Variants in THSD4 observed in about 807,000 individuals in gnomAD.
The protein encoded by THSD4 is thrombospondin type-1 domain-containing protein 4.
THSD4 carries 69 observed loss-of-function variants against 119.0 expected under a neutral mutation model. That is an observed-to-expected ratio of 0.58 (90% CI 0.48 to 0.71). The LOEUF (loss-of-function observed/expected upper bound fraction) is 0.71, where lower values mean the gene tolerates loss of function less well. Among genes scored for constraint, THSD4 ranks in the 30% least tolerant of loss-of-function variants. The pLI, the probability that THSD4 is intolerant of heterozygous loss-of-function variation, is 0.00. For missense variants in THSD4, 1,393 were observed against 1,391.1 expected, an observed-to-expected ratio of 1.00 and a Z score of -0.02; for synonymous variants, 524 against 540.4, an observed-to-expected ratio of 0.97 and a Z score of 0.42.
chr15:71,724,287 A>ATATATATATATTT, intron 8 of THSD4, among the ~76,000 whole-genome samples: 32 of 37,284 alleles, frequency 8.6e-4, no homozygotes, highest in East Asian at 7.0e-3. Context: ...ATATATATAT[A>ATATATATATATTT]TTTTTTTTTT....
At chr15:71,219,824 C>A (rs2043960916) in intron 4 of THSD4, among the ~76,000 whole-genome samples, 1 of 152,166 alleles carries the variant, frequency 6.6e-6, no homozygotes, top group South Asian at 2.1e-4. Flanking sequence ...TGAGAAGCAA[C>A]AGCACTAGAA....
Position 71,563,347 on chromosome 15 carries a change from G to C in THSD4, c.1153-97183G>C, listed in dbSNP as rs143909559. Among the ~76,000 whole-genome samples, 7 of 152,214 alleles carry C rather than the reference G, an allele frequency of 4.6e-5. No homozygotes were observed. The East Asian group carries it at 1.2e-3, about 25-fold the overall frequency. ...TAAAGACTCTGTTAGTACCCTGAAG[G>C]CCGCTTACTTGGAACCGTATCTTCT... On this transcript the variant is annotated intron_variant, in intron 7 of 17. Coordinates refer to ENST00000261862, the MANE Select transcript of THSD4 (RefSeq NM_024817.3).
intron 7 of THSD4, among the ~76,000 whole-genome samples, chr15:71,592,970 C>T (rs2049835796): frequency 6.6e-6 from 1 of 152,172 alleles, no homozygotes; most frequent in African/African-American, 2.4e-5. Context: ...GATTCATTAA[C>T]TTTTCCAAGG....
chr15:71,559,268 C>T (rs2049073503), intron 7 of THSD4, among the ~76,000 whole-genome samples: 1 of 152,264 alleles, frequency 6.6e-6, no homozygotes, highest in South Asian at 2.1e-4. Context: ...GCCACTCTAG[C>T]TTTTGCTCAC....
chr15:71,256,918 G>C (rs1196342850), intron 6 of THSD4, among the ~76,000 whole-genome samples: 1 of 152,172 alleles, frequency 6.6e-6, no homozygotes. Flanking sequence ...ACCATCTTCG[G>C]CATGAGTCAG....
At chr15:71,463,612 C>T (rs1484154889) in intron 7 of THSD4, among the ~76,000 whole-genome samples, 2 of 152,204 alleles carry the variant, frequency 1.3e-5, no homozygotes, top group African/African-American at 4.8e-5. Context: ...GTTTTGTCCT[C>T]TGCTCAATTT....
chr15:71,674,565 T>A (rs2051600493), intron 8 of THSD4, among the ~76,000 whole-genome samples: 1 of 152,184 alleles, frequency 6.6e-6, no homozygotes, highest in South Asian at 2.1e-4. Flanking sequence ...CCCACCTGCA[T>A]GTTTAATTGG....
chr15:71,365,131 T>TTTTGTGTGTGTGTGTG (rs147188266), intron 6 of THSD4, among the ~76,000 whole-genome samples: 210 of 135,910 alleles, frequency 1.5e-3, no homozygotes, highest in Non-Finnish European at 2.6e-3. Context: ...GCCCCCCCCA[T>TTTTGTGTGTGTGTGTG]TGTGTGTGTG....
chr15:71,199,272 A>T (rs183035036), intron 3 of THSD4, among the ~76,000 whole-genome samples: 2 of 152,116 alleles, frequency 1.3e-5, no homozygotes, highest in Admixed American at 6.5e-5. Context: ...CCTCCTTTCA[A>T]TTGCGATGGC....
chr15:71,776,524 A>G (rs2053915434), intron 17 of THSD4, among the ~76,000 whole-genome samples: 2 of 152,230 alleles, frequency 1.3e-5, no homozygotes, highest in African/African-American at 4.8e-5. Context: ...ACTAAAACAT[A>G]TGGCAAAAAG....
intron 3 of THSD4, among the ~76,000 whole-genome samples, chr15:71,207,698 G>A (rs939299942): frequency 5.3e-5 from 8 of 152,150 alleles, no homozygotes; most frequent in Non-Finnish European, 7.3e-5. Flanking sequence ...TCATAGGAGC[G>A]TGAACCCTAT....
chr15:71,355,661 C>T (rs899785444), intron 6 of THSD4, among the ~76,000 whole-genome samples: 2 of 152,080 alleles, frequency 1.3e-5, no homozygotes, highest in African/African-American at 4.8e-5. Context: ...GGCCCCTGCT[C>T]AGCGGAGAAC....
At chr15:71,693,666 A>G (rs1156917450) in intron 8 of THSD4, among the ~76,000 whole-genome samples, 1 of 152,068 alleles carries the variant, frequency 6.6e-6, no homozygotes, top group Non-Finnish European at 1.5e-5. Flanking sequence ...CATAATTCCC[A>G]TGGGTTGTAG....
At chr15:71,694,930 T>C (rs918624557) in intron 8 of THSD4, among the ~76,000 whole-genome samples, 28 of 152,142 alleles carry the variant, frequency 1.8e-4, no homozygotes, top group African/African-American at 6.8e-4. Flanking sequence ...CCACAGGAGA[T>C]GGAGAGGTGT....
In THSD4 at chr15:71,369,124, T is replaced by A. The variant is rs564322503; in HGVS notation, c.1016-42563T>A. The stretch of plus-strand genomic sequence containing the variant: ...TAAGAATGCTTGTGATTTTTGCACA[T>A]TGATTTTGTATCCTAAGACTTTGCT... On this transcript the variant is annotated intron_variant, in intron 6 of 17. Transcript: ENST00000261862. 3.2e-4 allele frequency among the ~76,000 whole-genome samples: 48 copies of A among 152,350 alleles called. No individual in the cohort carries two copies. In the South Asian group the frequency reaches 5.8e-3, roughly 18 times the overall value.
intron 4 of THSD4, among the ~76,000 whole-genome samples, chr15:71,241,329 G>A (rs547750181): frequency 3.3e-5 from 5 of 152,268 alleles, no homozygotes; most frequent in South Asian, 4.2e-4. Flanking sequence ...TGGAACCTGC[G>A]CTCCTCAACT....
intron 6 of THSD4, among the ~76,000 whole-genome samples, chr15:71,279,089 A>G (rs2044623124): frequency 6.6e-6 from 1 of 152,212 alleles, no homozygotes; most frequent in Admixed American, 6.5e-5. Flanking sequence ...ATCAGTAACT[A>G]TTATGAGATG....
chr15:71,591,595 C>T (rs1045233937), intron 7 of THSD4, among the ~76,000 whole-genome samples: 1 of 152,118 alleles, frequency 6.6e-6, no homozygotes, highest in East Asian at 1.9e-4. Flanking sequence ...AGGACAAACA[C>T]CTGGTGAATT....
intron 2 of THSD4, chr15:71,147,808 A>G (rs1358073689): frequency 6.6e-6 from 1 of 151,992 alleles, no homozygotes; most frequent in Non-Finnish European, 1.5e-5. Context: ...TACAGAAACA[A>G]ACAAATGAAC....
Sources: allele counts gnomAD v4.1 joint callset (sites outside exome capture counted in the v4.1 genomes callset), GRCh38; gene constraint gnomAD v4.1.1; transcripts MANE v1.5; gene names NCBI Gene and HGNC (gene_info 2026-07-23, HGNC 2026-07-21).